Variants in ZNF721 observed in about 807,000 individuals in gnomAD.
ZNF721 encodes the protein zinc finger protein 721.
Under a neutral mutation model 2.4 loss-of-function variants are expected in ZNF721, and 2 were observed. The ratio of observed to expected loss-of-function variants is 0.82; its 90% confidence interval spans 0.34 to 2.58. ZNF721 has a LOEUF of 2.58. Ranked by LOEUF, ZNF721 falls within the 30% of genes most tolerant of loss-of-function variation. ZNF721 has a pLI of 0.11. For missense variants in ZNF721, 1,187 were observed against 1,085.5 expected, an observed-to-expected ratio of 1.09 and a Z score of -1.31; for synonymous variants, 398 against 381.8, an observed-to-expected ratio of 1.04 and a Z score of -0.50.
intron 2 of ZNF721, among the ~76,000 whole-genome samples, chr4:450,952 AAAAAATATATATATATATATAT>A (rs1426021095): frequency 2.4e-5 from 1 of 42,088 alleles, no homozygotes; most frequent in African/African-American, 1.2e-4. Context: ...AAAAAAAAAA[AAAAAATATATATATATATATAT>A]ATATATATAT....
chr4:474,319 T>A (rs1188511765), intron 1 of ZNF721, among the ~76,000 whole-genome samples: 1 of 152,166 alleles, frequency 6.6e-6, no homozygotes, highest in Admixed American at 6.5e-5. Context: ...AGTGACAGAC[T>A]AGTACCTCCA....
intron 1 of ZNF721, among the ~76,000 whole-genome samples, chr4:498,140 G>A (rs1016339147): frequency 1.3e-5 from 2 of 149,502 alleles, no homozygotes; most frequent in Non-Finnish European, 3.0e-5. Context: ...GGGAGGCAGA[G>A]GTTGCAGTGA....
rs1170020171 is a variant in ZNF721, at chr4:490,069, A to G, written c.-94+8987T>C. ...GAGATGAGGTTTCACCATGTTGGCC[A>G]GGATGGTTTAGATCCCCTGACCTCG... On this transcript the variant is annotated intron_variant, in intron 1 of 2. Coordinates refer to ENST00000511833, the MANE Select transcript of ZNF721 (RefSeq NM_133474.4). Among the ~76,000 whole-genome samples, 4 of 152,084 alleles carry G rather than the reference A, an allele frequency of 2.6e-5. No individual in the cohort carries two copies. The East Asian group carries it at 7.9e-4, about 30-fold the overall frequency.
chr4:456,468 C>A (rs911839438), intron 2 of ZNF721, among the ~76,000 whole-genome samples: 1 of 152,204 alleles, frequency 6.6e-6, no homozygotes, highest in Non-Finnish European at 1.5e-5. Context: ...CTGAATTATA[C>A]ATATATTTTA....
At chr4:456,504 T>C (rs1255905612) in intron 2 of ZNF721, among the ~76,000 whole-genome samples, 1 of 151,700 alleles carries the variant, frequency 6.6e-6, no homozygotes, top group African/African-American at 2.4e-5. Flanking sequence ...AACCTAATGA[T>C]TTTTATTTGA....
At position 442,467 on chromosome 4, in the gene ZNF721, T is replaced by A; in HGVS notation, c.2000A>T (p.Gln667Leu). 1 of 1,613,970 alleles carries A rather than the reference T, an allele frequency of 6.2e-7. No homozygotes were observed. The highest frequency in any genetic ancestry group is 8.5e-7 in the Non-Finnish European group (1 of 1,179,862). Reference sequence around the variant, plus strand: ...GCCACACTCTTCACATTTGTAACTTTGCTCTCCAGTAAGAATTTTCGTGTG... The same window carrying A: ...GCCACACTCTTCACATTTGTAACTTAGCTCTCCAGTAAGAATTTTCGTGTG... ...NQHTKILTGE[Q>L]SYKCEECGKA... Residue 667 changes from glutamine to leucine, a missense_variant, in exon 3 of 3, where the codon CAA (glutamine) becomes CTA (leucine). By Grantham distance (113) the Gln-to-Leu change is moderately radical. Transcript: ENST00000511833.
intron 2 of ZNF721, among the ~76,000 whole-genome samples, chr4:462,124 G>C (rs1715090572): frequency 1.3e-5 from 2 of 152,044 alleles, no homozygotes; most frequent in African/African-American, 2.4e-5. Context: ...GACAAACAGA[G>C]AGCCAAATCA....
chr4:494,388 A>C (rs1301283353), intron 1 of ZNF721, among the ~76,000 whole-genome samples: 1 of 151,530 alleles, frequency 6.6e-6, no homozygotes, highest in East Asian at 1.9e-4. Context: ...GGGTTTCACC[A>C]TGTTAGCCAG....
intron 1 of ZNF721, among the ~76,000 whole-genome samples, chr4:486,028 G>A (rs1429414259): frequency 1.3e-5 from 2 of 151,972 alleles, no homozygotes; most frequent in African/African-American, 4.8e-5. Context: ...TTATTCCGTT[G>A]CAACTTAGAT....
intron 2 of ZNF721, among the ~76,000 whole-genome samples, chr4:446,307 GTAA>G (rs1714470923): frequency 6.6e-6 from 1 of 151,604 alleles, no homozygotes; most frequent in South Asian, 2.1e-4. Context: ...TCATTATCTG[GTAA>G]TAATATACCA....
chr4:498,473 A>G (rs1380929375), intron 1 of ZNF721, among the ~76,000 whole-genome samples: 3 of 152,100 alleles, frequency 2.0e-5, no homozygotes, highest in African/African-American at 7.2e-5. Flanking sequence ...TTAGTTTAGT[A>G]ATTTTGGGGC....
chr4:465,815 C>T lies in ZNF721; in HGVS notation c.34+6760G>A, dbSNP rs146353111. Among the ~76,000 whole-genome samples, 865 of 150,816 alleles carry T rather than the reference C, an allele frequency of 5.7e-3. 11 individuals are homozygous for T. Among genetic ancestry groups the T allele is most frequent in the Admixed American group, 1.0e-2 (151 of 15,148 alleles). ...AAACAAAACAAAACTGTAGTAGATA[C>T]ACACACAAAAAAGGAAACCAAAGCA... On this transcript the variant is annotated intron_variant, in intron 2 of 2. Transcript: ENST00000511833.
In ZNF721 at chr4:440,102, AC is replaced by A. The variant is rs1302095151; in HGVS notation, c.*1592del. On this transcript the variant is annotated 3_prime_UTR_variant, in exon 3 of 3. Coordinates refer to ENST00000511833, the MANE Select transcript of ZNF721 (RefSeq NM_133474.4). ...ATTACATAAATATACAGTTGGCAAA[AC>A]AATTTACTACTAAAATTCAGATTCT... 2.0e-5 allele frequency: 3 copies of A among 152,234 alleles called. No homozygotes were observed. The highest frequency in any genetic ancestry group is 4.4e-5 in the Non-Finnish European group (3 of 68,030). 9.4% of individuals were successfully genotyped at this position (152,234 alleles called of 1,614,324 possible).
chr4:485,629 A>G (rs1291843802), intron 1 of ZNF721, among the ~76,000 whole-genome samples: 2 of 152,202 alleles, frequency 1.3e-5, no homozygotes, highest in South Asian at 2.1e-4. Context: ...ATTTGGGAGC[A>G]TGGTTGCATA....
At chr4:462,593 A>C (rs1045337596) in intron 2 of ZNF721, among the ~76,000 whole-genome samples, 3 of 152,210 alleles carry the variant, frequency 2.0e-5, no homozygotes, top group African/African-American at 7.2e-5. Context: ...CTCAGAAATA[A>C]CACCACACAT....
chr4:460,601 GGAAAT>G (rs1715032339), intron 2 of ZNF721, among the ~76,000 whole-genome samples: 1 of 148,326 alleles, frequency 6.7e-6, no homozygotes, highest in Non-Finnish European at 1.5e-5. Flanking sequence ...CAGAACTGGA[GGAAAT>G]AGAGACACGA....
intron 2 of ZNF721, among the ~76,000 whole-genome samples, chr4:463,113 C>G (rs1286214264): frequency 6.6e-6 from 1 of 152,174 alleles, no homozygotes; most frequent in Non-Finnish European, 1.5e-5. Context: ...ACAGACAGTT[C>G]TCAAAAGAAG....
chr4:499,143 T>C lies in ZNF721; in HGVS notation c.-181A>G, dbSNP rs577469702. On this transcript the variant is annotated 5_prime_UTR_variant, in exon 1 of 3. Coordinates refer to ENST00000511833, the MANE Select transcript of ZNF721 (RefSeq NM_133474.4). Reference sequence around the variant, plus strand: ...CCGCCCGCTGTTCGTATGTCCGAGGTGACGCCCCGCTGTGGCGGGCTGGCG... The same window carrying C: ...CCGCCCGCTGTTCGTATGTCCGAGGCGACGCCCCGCTGTGGCGGGCTGGCG... The C allele has an allele frequency of 5.3e-5, 32 of 605,734 alleles. 1 individual carries two copies. The South Asian group carries it at 7.1e-4, about 13-fold the overall frequency. The allele number at this position is 605,734 out of a possible 1,614,324, so 37.5% of individuals were successfully genotyped here.
chr4:478,029 C>T (rs937475920), intron 1 of ZNF721, among the ~76,000 whole-genome samples: 26 of 152,202 alleles, frequency 1.7e-4, no homozygotes, highest in African/African-American at 5.3e-4. Flanking sequence ...CACTTAAGAC[C>T]GATGTGGAAA....
Sources: allele counts gnomAD v4.1 joint callset (sites outside exome capture counted in the v4.1 genomes callset), GRCh38; gene constraint gnomAD v4.1.1; transcripts MANE v1.5; gene names NCBI Gene and HGNC (gene_info 2026-07-23, HGNC 2026-07-21).